PRAG1: variants seen among roughly 807,000 people sequenced by gnomAD.
PRAG1 encodes inactive tyrosine-protein kinase PRAG1.
PRAG1 carries 110 observed loss-of-function variants against 95.6 expected under a neutral mutation model. The observed-to-expected ratio is 1.15, with a 90% confidence interval of 0.99 to 1.35. The LOEUF (loss-of-function observed/expected upper bound fraction) is 1.35, where lower values mean the gene tolerates loss of function less well. PRAG1 is among the 40% of genes most tolerant of loss of function. The pLI, the probability that PRAG1 is intolerant of heterozygous loss-of-function variation, is 0.00. For synonymous variants in PRAG1, 1,052 were observed against 819.4 expected (o/e 1.28, Z -4.85); for missense variants, 2,554 against 1,864.7 (o/e 1.37, Z -6.81).
intron 3 of PRAG1, among the ~76,000 whole-genome samples, chr8:8,350,876 A>T (rs1052212335): frequency 2.0e-5 from 3 of 152,026 alleles, no homozygotes; most frequent in African/African-American, 4.8e-5. Flanking sequence ...AGCACCATGT[A>T]CATAGAAAGT....
chr8:8,340,964 G>C (rs913236866), intron 3 of PRAG1, among the ~76,000 whole-genome samples: 1 of 152,142 alleles, frequency 6.6e-6, no homozygotes, highest in Non-Finnish European at 1.5e-5. Context: ...GCTGATCCTT[G>C]CCTAATCTCC....
intron 5 of PRAG1, among the ~76,000 whole-genome samples, chr8:8,325,639 G>A (rs1050977733): frequency 6.6e-6 from 1 of 152,076 alleles, no homozygotes; most frequent in Admixed American, 6.5e-5. Context: ...GGCGGGGCAC[G>A]GTGGCTCATG....
intron 3 of PRAG1, 113 bp downstream of exon 3, chr8:8,376,134 G>A (rs1800377794): frequency 1.4e-6 from 2 of 1,408,838 alleles, no homozygotes; most frequent in African/African-American, 2.9e-5. Flanking sequence ...AGGCACAAGG[G>A]CCTTTGGGCA....
At chr8:8,339,815 T>C (rs1056692279) in intron 3 of PRAG1, among the ~76,000 whole-genome samples, 180 bp from the exon 4 acceptor site, 21 of 152,176 alleles carry the variant, frequency 1.4e-4, no homozygotes, top group Admixed American at 6.5e-5. Flanking sequence ...CTTATGTGCA[T>C]GAATGACAGG....
intron 1 of PRAG1, among the ~76,000 whole-genome samples, chr8:8,386,078 C>T (rs904701497): frequency 2.6e-5 from 4 of 152,184 alleles, no homozygotes; most frequent in Admixed American, 1.3e-4. Flanking sequence ...TTTTAAAGAG[C>T]GCGATTCTCG....
intron 4 of PRAG1, among the ~76,000 whole-genome samples, chr8:8,330,980 C>T (rs1432700267): frequency 6.6e-6 from 1 of 152,176 alleles, no homozygotes; most frequent in East Asian, 1.9e-4. Flanking sequence ...GAGCACACAT[C>T]CACTTCCTGA....
rs779380933 is a variant in PRAG1 at position 8,376,969 on chromosome 8, G to A, written c.1440C>T (p.His480=). The A allele has an allele frequency of 6.2e-7, 1 of 1,613,554 alleles. No individual in the cohort carries two copies. The highest frequency in any genetic ancestry group is 8.5e-7 in the Non-Finnish European group (1 of 1,179,966). The change falls in exon 3 of 6, where the codon CAC becomes CAT. Residue 480 remains histidine (H), a synonymous_variant. Coordinates refer to ENST00000615670, the MANE Select transcript of PRAG1 (RefSeq NM_001080826.3). ...AGATCGTCCGATGGTCCTCTTCCGG[G>A]TGGGCCGCCATGACTGTGATGGTGG... The part of the protein sequence containing the change: ...VSATITVMAA[H]PEEDHRTIYL...
At chr8:8,351,925 G>A (rs747105369) in intron 3 of PRAG1, among the ~76,000 whole-genome samples, 1 of 151,996 alleles carries the variant, frequency 6.6e-6, no homozygotes, top group Non-Finnish European at 1.5e-5. Context: ...TACCCACTTG[G>A]GAGTCACTGC....
At chr8:8,355,749 A>G (rs1799661463) in intron 3 of PRAG1, among the ~76,000 whole-genome samples, 1 of 150,594 alleles carries the variant, frequency 6.6e-6, no homozygotes, top group Non-Finnish European at 1.5e-5. Context: ...CTGAACCCTT[A>G]TCTTATATCA....
rs757185374 is a variant in PRAG1, at chr8:8,376,327, G to A, written c.2082C>T (p.Ser694=). ...TGGGGAACTCAAAGGCAAAAGAGGC[G>A]GATTTGCTCATCCCGGTCCCAACTT... ...NSKVGTGMSK[S]ASFAFEFPKD... The change falls in exon 3 of 6, where the codon TCC becomes TCT. Residue 694 remains serine (S), a synonymous_variant. Transcript: ENST00000615670. 45 of 1,614,052 alleles carry A rather than the reference G, an allele frequency of 2.8e-5. No individual in the cohort carries two copies. Among genetic ancestry groups the A allele is most frequent in the South Asian group, 2.1e-4 (19 of 91,078 alleles).
chr8:8,319,618 G>C (rs1440703017), intron 5 of PRAG1, among the ~76,000 whole-genome samples: 1 of 152,122 alleles, frequency 6.6e-6, no homozygotes, highest in African/African-American at 2.4e-5. Flanking sequence ...TAATAGACTG[G>C]GAGAAAATAT....
chr8:8,328,218 T>G lies in PRAG1; in HGVS notation c.2564A>C (p.Asn855Thr). ...PKLNLSHSET[N>T]VHDESHFSYS... ...GCTAAAGTGAGATTCGTCGTGGACG[T>G]TGGTTTCCGAGTGGCTTAGGTTCAG... The change falls in exon 5 of 6, where the codon AAC (asparagine) becomes ACC (threonine). Residue 855 changes from asparagine (N) to threonine (T), a missense_variant. By Grantham distance (65) the Asn-to-Thr change is moderately conservative. Coordinates refer to ENST00000615670, the MANE Select transcript of PRAG1 (RefSeq NM_001080826.3). 1 of 1,614,170 alleles carries G rather than the reference T, an allele frequency of 6.2e-7. No homozygotes were observed. Among genetic ancestry groups the G allele is most frequent in the Non-Finnish European group, 8.5e-7 (1 of 1,180,024 alleles).
At chr8:8,376,209 C>A in intron 3 of PRAG1, 38 bp downstream of exon 3, 1 of 1,589,108 alleles carries the variant, frequency 6.3e-7, no homozygotes, top group South Asian at 1.2e-5. Flanking sequence ...GAGCCCTTTG[C>A]CCTGCAGACA....
At chr8:8,366,747 T>A (rs1800021070) in intron 3 of PRAG1, among the ~76,000 whole-genome samples, 2 of 152,124 alleles carry the variant, frequency 1.3e-5, no homozygotes, top group South Asian at 4.1e-4. Flanking sequence ...GGTGTTACCA[T>A]GGCTGACTGC....
intron 3 of PRAG1, among the ~76,000 whole-genome samples, chr8:8,362,417 A>G (rs1200964084): frequency 6.6e-6 from 1 of 152,172 alleles, no homozygotes; most frequent in African/African-American, 2.4e-5. Flanking sequence ...CACAGAGTTT[A>G]CCTGGTTGCC....
chr8:8,378,185 G>C (rs1800499767), intron 2 of PRAG1, 107 bp from the exon 3 acceptor site: 14 of 1,325,308 alleles, frequency 1.1e-5, no homozygotes, highest in Non-Finnish European at 1.4e-5. Context: ...AATGTCTTCT[G>C]TAGTGCAGTG....
At chr8:8,384,608 CAAAAAAAAAAAAAA>C (rs11400182) in intron 1 of PRAG1, among the ~76,000 whole-genome samples, 3 of 92,450 alleles carry the variant, frequency 3.2e-5, no homozygotes, top group African/African-American at 8.5e-5. Context: ...CGCATGCAGC[CAAAAAAAAAAAAAA>C]AAAAAAAAAA....
Position 8,377,948 on chromosome 8 carries a change from C to A in PRAG1, c.461G>T (p.Arg154Leu). Residue 154 changes from arginine to leucine, a missense_variant, in exon 3 of 6, where the codon CGC (arginine) becomes CTC (leucine). By Grantham distance (102) the Arg-to-Leu change is moderately radical. Transcript: ENST00000615670. ...GACCATGGTGTAAGCTGGGGGACAG[C>A]GAGAATTGCCATCAGGGGAGGTAGA... ...GPSTSPDGNS[R>L]CPPAYTMVGL... The A allele has an allele frequency of 1.2e-6, 2 of 1,613,836 alleles. No individual in the cohort carries two copies. Among genetic ancestry groups the A allele is most frequent in the Non-Finnish European group, 8.5e-7 (1 of 1,179,960 alleles).
chr8:8,349,266 C>CTATCTATCTATTTATTTATT (rs538351197), intron 3 of PRAG1, among the ~76,000 whole-genome samples: 3 of 149,242 alleles, frequency 2.0e-5, no homozygotes, highest in African/African-American at 7.5e-5. Flanking sequence ...ATCTATCTAT[C>CTATCTATCTATTTATTTATT]TATTTATTTA....
Sources: allele counts gnomAD v4.1 joint callset (sites outside exome capture counted in the v4.1 genomes callset), GRCh38; gene constraint gnomAD v4.1.1; transcripts MANE v1.5; gene names NCBI Gene and HGNC (gene_info 2026-07-23, HGNC 2026-07-21).